Variants in NOTCH1 observed in about 807,000 individuals in gnomAD.
NOTCH1 encodes notch receptor 1.
Under a neutral mutation model 254.8 loss-of-function variants are expected in NOTCH1, and 37 were observed. The ratio of observed to expected loss-of-function variants is 0.15; its 90% CI spans 0.11 to 0.19. The LOEUF (loss-of-function observed/expected upper bound fraction) is 0.19. Ranked by LOEUF, NOTCH1 falls within the 10% of genes least tolerant of loss-of-function variation. NOTCH1 has a pLI of 1.00. For missense variants in NOTCH1, 2,972 were observed against 3,708.6 expected (o/e 0.80, Z 5.16); for synonymous variants, 1,731 against 1,618.1 (o/e 1.07, Z -1.68).
intron 24 of NOTCH1, 40 bp from the exon 25 acceptor site, chr9:136,505,921 ACCCCCCGC>A: frequency 6.7e-7 from 1 of 1,489,548 alleles, no homozygotes; most frequent in Non-Finnish European, 9.0e-7. Context: ...GGGGTGGGCC[ACCCCCCGC>A]CCCCCCGCCA....
intron 2 of NOTCH1, among the ~76,000 whole-genome samples, chr9:136,527,746 TC>T (rs1253052794): frequency 6.6e-6 from 1 of 152,108 alleles, no homozygotes; most frequent in Non-Finnish European, 1.5e-5. Flanking sequence ...GCCTGTCCCA[TC>T]CCCCACGCTC....
intron 2 of NOTCH1, among the ~76,000 whole-genome samples, chr9:136,526,768 G>A (rs1021216011): frequency 6.6e-6 from 1 of 152,224 alleles, no homozygotes; most frequent in African/African-American, 2.4e-5. Context: ...GCTGTATCAC[G>A]CCGGGCCAGC....
chr9:136,544,221 C>T, intron 1 of NOTCH1, 119 bp from the exon 2 acceptor site: 1 of 906,792 alleles, frequency 1.1e-6, no homozygotes, highest in South Asian at 1.4e-5. Flanking sequence ...CCCCCTACCC[C>T]GGACGCACTC....
intron 27 of NOTCH1, 187 bp downstream of exon 27, chr9:136,502,995 C>G (rs746626006): frequency 3.2e-5 from 27 of 834,404 alleles, no homozygotes; most frequent in Admixed American, 2.4e-4. Context: ...GCTCCACCGG[C>G]AGCTGTGACC....
intron 15 of NOTCH1, 44 bp downstream of exon 15, chr9:136,512,977 C>G (rs759369149): frequency 1.8e-5 from 13 of 707,510 alleles, no homozygotes; most frequent in Non-Finnish European, 3.1e-5. Flanking sequence ...GCCCCTCCCA[C>G]ATAGGCCCCG....
chr9:136,543,867 T>C, intron 2 of NOTCH1, 157 bp downstream of exon 2: 1 of 756,256 alleles, frequency 1.3e-6, no homozygotes, highest in Non-Finnish European at 2.3e-6. Context: ...ATTAAGTAAT[T>C]GCCAGACTTT....
At chr9:136,515,258 T>A (rs1383116244) in intron 12 of NOTCH1, 32 bp downstream of exon 12, 1 of 1,592,930 alleles carries the variant, frequency 6.3e-7, no homozygotes, top group East Asian at 2.2e-5. Flanking sequence ...CTGAGCACAG[T>A]GCAGTCAGCC....
At chr9:136,524,646 T>C (rs545805703) in intron 2 of NOTCH1, among the ~76,000 whole-genome samples, 1,695 of 146,666 alleles carry the variant, frequency 0.012, 42 homozygotes, top group African/African-American at 0.04. Context: ...TTTCTTTTTT[T>C]TTTTTTTTTT....
At chr9:136,521,927 TA>T (rs1343226428) in intron 4 of NOTCH1, among the ~76,000 whole-genome samples, 1 of 151,784 alleles carries the variant, frequency 6.6e-6, no homozygotes. Flanking sequence ...CATTCCCACC[TA>T]ACAGCCATTC....
rs373113999 is a variant in NOTCH1 at position 136,506,713 on chromosome 9, C to T, written c.3901+3G>A. 478 of 1,598,224 alleles carry T rather than the reference C, an allele frequency of 3.0e-4. 1 individual carries two copies. Among genetic ancestry groups the T allele is most frequent in the East Asian group, 4.3e-4 (19 of 44,048 alleles). ...GCCCCACCCGCCTGGGCGCGGCACC[C>T]ACCGGTGTGACCAGCACGGCACTCG... On this transcript the variant is annotated splice_donor_region_variant and intron_variant, in intron 23 of 33. Coordinates refer to ENST00000651671, the MANE Select transcript of NOTCH1 (RefSeq NM_017617.5). This position sits in a 1 kb window ranked among gnomAD's most constrained non-coding sequence, Gnocchi z 4.5.
Position 136,509,171 on chromosome 9 carries a change from TAGG to T in NOTCH1, c.2970-103_2970-101del. The T allele has an allele frequency of 3.3e-6, 4 of 1,209,604 alleles. No individual in the cohort carries two copies. In the South Asian group the frequency reaches 5.6e-5, roughly 17 times the overall value. The allele number at this position is 1,209,604 out of a possible 1,614,324, so 74.9% of individuals were successfully genotyped here. A position where few individuals can be genotyped will look rare whatever the true frequency, so the allele number is the denominator to read the frequency against. On this transcript the variant is annotated intron_variant, in intron 18 of 33. Coordinates refer to ENST00000651671, the MANE Select transcript of NOTCH1 (RefSeq NM_017617.5). ...CAGCACCTCCCCTTCTGCTCAACCC[TAGG>T]GGCCTGATGGCCAGGACAGGCCCAG...
chr9:136,497,531 G>A lies in NOTCH1; in HGVS notation c.6208C>T (p.Arg2070Trp), dbSNP rs1432074829. ...REETPLFLAAREGSYETAKVL... is the reference protein window; with the variant it reads ...REETPLFLAAWEGSYETAKVL... ...TTGGCGGTCTCGTAGCTGCCCTCCC[G>A]GGCGGCCAGAAACAGGGGTGTCTCC... The change falls in exon 34 of 34, where the codon CGG becomes TGG. Residue 2070 changes from arginine (R) to tryptophan (W), a missense_variant. Arg to Trp is a moderately radical substitution (Grantham distance 101). Around this residue, in one of 8 missense-constraint regions of NOTCH1, gnomAD observed 421 missense variants for 604.4 expected, o/e 0.70. Coordinates refer to ENST00000651671, the MANE Select transcript of NOTCH1 (RefSeq NM_017617.5). The A allele has an allele frequency of 1.9e-6, 3 of 1,607,298 alleles. No homozygotes were observed. The highest frequency in any genetic ancestry group is 1.7e-6 in the Non-Finnish European group (2 of 1,177,328).
At chr9:136,517,481 G>A in intron 8 of NOTCH1, 96 bp from the exon 9 acceptor site, 1 of 966,844 alleles carries the variant, frequency 1.0e-6, no homozygotes, top group Non-Finnish European at 1.6e-6. Context: ...CCTGCCTCCA[G>A]CCCAGTGTCC....
Position 136,513,186 on chromosome 9 carries a change from G to A in NOTCH1, c.2354-52C>T. On this transcript the variant is annotated intron_variant, in intron 14 of 33. Coordinates refer to ENST00000651671, the MANE Select transcript of NOTCH1 (RefSeq NM_017617.5). This position sits in a 1 kb window ranked among gnomAD's most constrained non-coding sequence, Gnocchi z 4.7. ...ATGTCCAGCACTCCCAGGCACCTTG[G>A]CAGGGCCCCACAACAGCAGCCCTGG... 1 of 1,518,116 alleles carries A rather than the reference G, an allele frequency of 6.6e-7. No individual in the cohort carries two copies. Among genetic ancestry groups the A allele is most frequent in the East Asian group, 2.3e-5 (1 of 44,346 alleles). The allele number at this position is 1,518,116 out of a possible 1,614,324, so 94.0% of individuals were successfully genotyped here. A position where few individuals can be genotyped will look rare whatever the true frequency, so the allele number is the denominator to read the frequency against.
intron 2 of NOTCH1, among the ~76,000 whole-genome samples, chr9:136,541,780 C>T (rs1392190500): frequency 1.3e-5 from 2 of 152,240 alleles, no homozygotes; most frequent in Non-Finnish European, 2.9e-5. Context: ...AAGCCGGGCT[C>T]GGCTGTGGCC....
intron 10 of NOTCH1, 113 bp from the exon 11 acceptor site, chr9:136,515,829 A>C: frequency 8.4e-7 from 1 of 1,189,638 alleles, no homozygotes; most frequent in Non-Finnish European, 1.2e-6. Flanking sequence ...CGAGCGTGGC[A>C]TTCCCACCTA....
intron 31 of NOTCH1, among the ~76,000 whole-genome samples, chr9:136,499,819 C>A (rs542888249): frequency 1.2e-3 from 183 of 152,378 alleles, no homozygotes; most frequent in Non-Finnish European, 1.9e-3. Context: ...AAGAAGGCAG[C>A]TGAGAGAGGC....
rs2133362468 is a variant in NOTCH1, at chr9:136,515,322, C to G, written c.1982G>C (p.Gly661Ala). The G allele has an allele frequency of 6.2e-7, 1 of 1,613,002 alleles. No homozygotes were observed. Among genetic ancestry groups the G allele is most frequent in the Non-Finnish European group, 8.5e-7 (1 of 1,179,998 alleles). Residue 661 changes from glycine (G) to alanine (A), a missense_variant, in exon 12 of 34, where the codon GGC (glycine) becomes GCC (alanine). This residue lies in a region of NOTCH1 where 1,343 missense variants were observed against 1,557.0 expected (regional missense o/e 0.86). Coordinates refer to ENST00000651671, the MANE Select transcript of NOTCH1 (RefSeq NM_017617.5). ...DSGTCLDKID[G>A]YECACEPGYT... ...GCCCGGCTCACAGGCACACTCGTAGCCATCGATCTTGTCCAGACAGGTGCC... is the reference window on the plus strand; with the variant it reads ...GCCCGGCTCACAGGCACACTCGTAGGCATCGATCTTGTCCAGACAGGTGCC...
Position 136,507,415 on chromosome 9 carries a change from A to G in NOTCH1, c.3533T>C (p.Val1178Ala). The change falls in exon 22 of 34, where the codon GTG becomes GCG. Residue 1178 changes from valine to alanine, a missense_variant. Val to Ala is a moderately conservative substitution (Grantham distance 64). Coordinates refer to ENST00000651671, the MANE Select transcript of NOTCH1 (RefSeq NM_017617.5). ...SCKCVAGYHG[V>A]NCSEEIDECL... ...CTCGTCGATCTCCTCAGAGCAGTTC[A>G]CCCCGTGGTAGCCGGCCACGCACTG... 6.2e-7 allele frequency: 1 copy of G among 1,608,850 alleles called. No individual in the cohort carries two copies. Among genetic ancestry groups the G allele is most frequent in the Non-Finnish European group, 8.5e-7 (1 of 1,178,492 alleles).
Sources: allele counts gnomAD v4.1 joint callset (sites outside exome capture counted in the v4.1 genomes callset), GRCh38; gene constraint gnomAD v4.1.1; regional missense constraint gnomAD v4.1.1; non-coding constraint Gnocchi (gnomAD v3.1); transcripts MANE v1.5; gene names NCBI Gene and HGNC (gene_info 2026-07-23, HGNC 2026-07-21).